The following RNF123 variants were observed in gnomAD, a reference collection of about 807,000 sequenced individuals.
RNF123 encodes E3 ubiquitin-protein ligase RNF123.
RNF123 carries 86 observed loss-of-function variants against 168.5 expected under a neutral mutation model. The ratio of observed to expected loss-of-function variants is 0.51; its 90% CI spans 0.43 to 0.61. The LOEUF (loss-of-function observed/expected upper bound fraction) is 0.61. Ranked by LOEUF, RNF123 falls within the 20% of genes least tolerant of loss-of-function variation. The probability of loss-of-function intolerance (pLI) is 0.00; values close to 1 mark genes in which losing one functional copy is unlikely to be tolerated. For synonymous variants in RNF123, 666 were observed against 689.1 expected, an observed-to-expected ratio of 0.97 and a Z score of 0.52; for missense variants, 1,419 against 1,729.7, an observed-to-expected ratio of 0.82 and a Z score of 3.19.
chr3:49,697,165 C>G lies in RNF123; in HGVS notation c.190C>G (p.Leu64Val). Residue 64 changes from leucine to valine, a missense_variant, in exon 4 of 39, where the codon CTG becomes GTG. Leu to Val is a conservative substitution (Grantham distance 32). Coordinates refer to ENST00000327697, the MANE Select transcript of RNF123 (RefSeq NM_022064.5). Reference sequence around the variant, plus strand: ...CAGGAAACCCCTGAACTTCCAGAACCTGCCAGAACATTTGGACCAGTTGCT... The same window carrying G: ...CAGGAAACCCCTGAACTTCCAGAACGTGCCAGAACATTTGGACCAGTTGCT... ...TSRKPLNFQNLPEHLDQLLQV... is the reference protein window; with the variant it reads ...TSRKPLNFQNVPEHLDQLLQV... 6.2e-7 allele frequency: 1 copy of G among 1,614,158 alleles called. No homozygotes were observed. Among genetic ancestry groups the G allele is most frequent in the African/African-American group, 1.3e-5 (1 of 75,046 alleles).
At chr3:49,714,538 TC>T (rs905527503) in intron 31 of RNF123, among the ~76,000 whole-genome samples, 8 of 152,242 alleles carry the variant, frequency 5.3e-5, no homozygotes, top group African/African-American at 1.9e-4. Flanking sequence ...TCCAGCCTTG[TC>T]CCAGCACCAT....
intron 15 of RNF123, 78 bp downstream of exon 15, chr3:49,700,787 A>T (rs1423330392): frequency 1.3e-6 from 2 of 1,495,372 alleles, no homozygotes; most frequent in Non-Finnish European, 1.9e-6. Flanking sequence ...GGGGAGTGTC[A>T]TCAGGCCAGG....
At chr3:49,689,919 G>C (rs1222940955) in intron 1 of RNF123, 2 of 152,238 alleles carry the variant, frequency 1.3e-5, no homozygotes, top group East Asian at 3.9e-4. Flanking sequence ...CTCTCACCTG[G>C]GTCCTCAGCA....
intron 3 of RNF123, 146 bp downstream of exon 3, chr3:49,691,655 C>T (rs1260770123): frequency 1.3e-5 from 10 of 783,276 alleles, no homozygotes; most frequent in Non-Finnish European, 1.9e-5. Flanking sequence ...GATCTCTGGC[C>T]AGAGAGTCTG....
chr3:49,708,354 C>T (rs768965045), intron 26 of RNF123, among the ~76,000 whole-genome samples: 69 of 152,194 alleles, frequency 4.5e-4, no homozygotes, highest in Non-Finnish European at 6.9e-4. Context: ...ACTGATACTC[C>T]GTGCCTGTTG....
intron 3 of RNF123, among the ~76,000 whole-genome samples, chr3:49,695,567 C>G (rs1436396222): frequency 6.6e-6 from 1 of 152,238 alleles, no homozygotes; most frequent in African/African-American, 2.4e-5. Context: ...TTGTGCATCT[C>G]TGCTCCTACA....
intron 1 of RNF123, among the ~76,000 whole-genome samples, chr3:49,690,755 A>G (rs1159657096): frequency 6.6e-6 from 1 of 152,238 alleles, no homozygotes; most frequent in Non-Finnish European, 1.5e-5. Flanking sequence ...TGGACTCAGT[A>G]TGGCTTACAA....
chr3:49,703,993 C>G (rs1310430546), intron 21 of RNF123, among the ~76,000 whole-genome samples: 1 of 152,064 alleles, frequency 6.6e-6, no homozygotes, highest in Admixed American at 6.5e-5. Flanking sequence ...AAGGGCCTGC[C>G]CAGGTAGGTA....
intron 24 of RNF123, 33 bp downstream of exon 24, chr3:49,705,712 G>T: frequency 6.2e-7 from 1 of 1,613,518 alleles, no homozygotes; most frequent in South Asian, 1.1e-5. Context: ...ATTGGGTGGC[G>T]GGTGTTGTGC....
In RNF123 at chr3:49,697,456, G is replaced by C; in HGVS notation, c.341G>C (p.Gly114Ala). 1 of 1,595,606 alleles carries C rather than the reference G, an allele frequency of 6.3e-7. No homozygotes were observed. Among genetic ancestry groups the C allele is most frequent in the Non-Finnish European group, 8.5e-7 (1 of 1,170,594 alleles). ...GLLLVDDDLL[G>A]VIGHSNFGTI... ...CTCCTGGTGGATGATGACCTGCTGG[G>C]GGTGAGTGAGGGTGAGGTGTGGAGA... The change falls in exon 5 of 39, where the codon GGG becomes GCG. Residue 114 changes from glycine to alanine, a missense_variant and splice_region_variant. By Grantham distance (60) the Gly-to-Ala change is moderately conservative (BLOSUM62 0). This residue lies in a region of RNF123 where 318 missense variants were observed against 446.6 expected (regional missense o/e 0.71). Coordinates refer to ENST00000327697, the MANE Select transcript of RNF123 (RefSeq NM_022064.5).
At chr3:49,719,549 T>G in intron 35 of RNF123, 1 of 1,216,846 alleles carries the variant, frequency 8.2e-7, no homozygotes, top group South Asian at 1.5e-5. Flanking sequence ...TAGTGCGACA[T>G]GGGTGGCACC....
chr3:49,699,138 C>T lies in RNF123; in HGVS notation c.764+33C>T. 1.2e-6 allele frequency: 2 copies of T among 1,600,464 alleles called. No individual in the cohort carries two copies. Among genetic ancestry groups the T allele is most frequent in the Non-Finnish European group, 1.7e-6 (2 of 1,173,836 alleles). ...TTTGTGAAGATGGCTGTGGGCTGCTCAGAAGCTCTTGGGGAGGCTGGGATG... is the reference window on the plus strand; with the variant it reads ...TTTGTGAAGATGGCTGTGGGCTGCTTAGAAGCTCTTGGGGAGGCTGGGATG... On this transcript the variant is annotated intron_variant, in intron 10 of 38. Coordinates refer to ENST00000327697, the MANE Select transcript of RNF123 (RefSeq NM_022064.5). The surrounding 1 kb of genome is among the most constrained non-coding windows in gnomAD (Gnocchi z 4.8).
chr3:49,706,737 G>A (rs1280340901), intron 25 of RNF123, 54 bp from the exon 26 acceptor site: 7 of 1,492,536 alleles, frequency 4.7e-6, no homozygotes, highest in African/African-American at 1.4e-5. Flanking sequence ...GGATCAGGGT[G>A]GACCTGGGTA....
At chr3:49,715,445 T>C in intron 31 of RNF123, 130 bp from the exon 32 acceptor site, 2 of 1,125,330 alleles carry the variant, frequency 1.8e-6, no homozygotes, top group Non-Finnish European at 1.3e-6. Flanking sequence ...CCTGCTTTCA[T>C]GACCTGAGCA....
At position 49,716,476 on chromosome 3, in the gene RNF123, G is replaced by C; in HGVS notation, c.3499G>C (p.Glu1167Gln). 7 of 1,613,808 alleles carry C rather than the reference G, an allele frequency of 4.3e-6. No homozygotes were observed. The highest frequency in any genetic ancestry group is 4.2e-6 in the Non-Finnish European group (5 of 1,179,822). ...GCTCCTGGTGCGTGGCCCAGCCTCA[G>C]AGTGAGTGTTGGGGACCGTGGGCCC... ...VQLLVRGPASEREQATSVLLA... is the reference protein window; with the variant it reads ...VQLLVRGPASQREQATSVLLA... The change falls in exon 35 of 39, where the codon GAG (glutamate) becomes CAG (glutamine). Residue 1167 changes from glutamate to glutamine, a missense_variant and splice_region_variant. Coordinates refer to ENST00000327697, the MANE Select transcript of RNF123 (RefSeq NM_022064.5).
rs2080166087 is a variant in RNF123 at position 49,712,665 on chromosome 3, A to G, written c.2674+9A>G. On this transcript the variant is annotated intron_variant, in intron 27 of 38. Coordinates refer to ENST00000327697, the MANE Select transcript of RNF123 (RefSeq NM_022064.5). The stretch of plus-strand genomic sequence containing the variant: ...CATGGAGGAGCTCCCAGGTGATGGA[A>G]CCATTCAGGCTGAGGCAGAAGCAGA... 6.2e-7 allele frequency: 1 copy of G among 1,614,054 alleles called. No homozygotes were observed. Among genetic ancestry groups the G allele is most frequent in the Non-Finnish European group, 8.5e-7 (1 of 1,180,000 alleles).
At chr3:49,706,766 G>T in intron 25 of RNF123, 25 bp from the exon 26 acceptor site, 1 of 1,602,354 alleles carries the variant, frequency 6.2e-7, no homozygotes, top group African/African-American at 1.3e-5. Context: ...TGTCTTGATT[G>T]TCCTCCTTTC....
rs2080405669 is a variant in RNF123, at chr3:49,721,453, C to G, written c.*148C>G. The stretch of plus-strand genomic sequence containing the variant: ...TGCCTGTATCCTCATTGGTGGGAGC[C>G]CAGCCATGGCCCTAATTGTGCCTGA... On this transcript the variant is annotated 3_prime_UTR_variant, in exon 39 of 39. Coordinates refer to ENST00000327697, the MANE Select transcript of RNF123 (RefSeq NM_022064.5). 1 of 1,083,924 alleles carries G rather than the reference C, an allele frequency of 9.2e-7. No homozygotes were observed. The allele number at this position is 1,083,924 out of a possible 1,614,324, so 67.1% of individuals were successfully genotyped here. A position where few individuals can be genotyped will look rare whatever the true frequency, so the allele number is the denominator to read the frequency against.
At chr3:49,718,843 G>C in intron 35 of RNF123, 1 of 1,613,458 alleles carries the variant, frequency 6.2e-7, no homozygotes, top group Non-Finnish European at 8.5e-7. Flanking sequence ...CTTGAGGAAG[G>C]CCGGCAGCGC....
Sources: gnomAD v4.1 joint callset for allele counts (sites outside exome capture counted in the v4.1 genomes callset) on GRCh38, gnomAD v4.1.1 for gene constraint, gnomAD v4.1.1 regional missense constraint, Gnocchi (gnomAD v3.1) non-coding constraint, MANE v1.5 for transcripts, NCBI Gene and HGNC (gene_info 2026-07-23, HGNC 2026-07-21) for gene names.